Variants in SYNRG observed in about 807,000 individuals in gnomAD.
SYNRG encodes AP1 gamma subunit binding protein 1.
Under a neutral mutation model 130.9 loss-of-function variants are expected in SYNRG, and 37 were observed. The ratio of observed to expected loss-of-function variants is 0.28; its 90% CI spans 0.22 to 0.37. SYNRG has a LOEUF of 0.37. Ranked by LOEUF, SYNRG falls within the 10% of genes least tolerant of loss-of-function variation. The probability of loss-of-function intolerance (pLI) is 1.00; values close to 1 mark genes in which losing one functional copy is unlikely to be tolerated. For missense variants in SYNRG, 1,338 were observed against 1,588.9 expected (o/e 0.84, Z 2.68); for synonymous variants, 539 against 568.1 (o/e 0.95, Z 0.73).
Position 37,514,872 on chromosome 17 carries a change from A to G in SYNRG, c.*4068T>C, listed in dbSNP as rs975918888. On this transcript the variant is annotated 3_prime_UTR_variant, in exon 22 of 22. Transcript: ENST00000612223. ...GGGTGATTTCAGAACAGACCCTGAA[A>G]ATATTTTAAAGGTAAAGCTTTATAA... 17 of 152,234 alleles carry G rather than the reference A, an allele frequency of 1.1e-4. No homozygotes were observed. Among genetic ancestry groups the G allele is most frequent in the Non-Finnish European group, 2.1e-4 (14 of 68,044 alleles). 9.4% of individuals were successfully genotyped at this position (152,234 alleles called of 1,614,324 possible). A position where few individuals can be genotyped will look rare whatever the true frequency, so the allele number is the denominator to read the frequency against.
intron 19 of SYNRG, among the ~76,000 whole-genome samples, chr17:37,521,870 CATA>C (rs2055114363): frequency 6.6e-6 from 1 of 152,014 alleles, no homozygotes; most frequent in Admixed American, 6.6e-5. Context: ...GAGGATTCAC[CATA>C]ATAAGACACG....
rs370288433 is a variant in SYNRG at position 37,538,397 on chromosome 17, G to A, written c.3444C>T (p.Thr1148=). Residue 1148 remains threonine, a synonymous_variant, in exon 18 of 22, where the codon ACC becomes ACT. Transcript: ENST00000612223. ...ALNVIKKAND[T]LNGISSSSVC... ...CAGAACTACTACTGATTCCATTTAA[G>A]GTATCATTTGCCTTCTTAATGACCT... 13 of 1,609,546 alleles carry A rather than the reference G, an allele frequency of 8.1e-6. No homozygotes were observed. The highest frequency in any genetic ancestry group is 1.7e-5 in the Admixed American group (1 of 59,006).
At chr17:37,552,967 T>C in intron 14 of SYNRG, 148 bp downstream of exon 14, 1 of 674,638 alleles carries the variant, frequency 1.5e-6, no homozygotes, top group South Asian at 2.2e-5. Flanking sequence ...AATTTAACAC[T>C]GCTTTAAGGA....
Position 37,542,524 on chromosome 17 carries a change from T to C in SYNRG, c.2650A>G (p.Ser884Gly), listed in dbSNP as rs1467164986. The C allele has an allele frequency of 6.2e-7, 1 of 1,612,706 alleles. No homozygotes were observed. The highest frequency in any genetic ancestry group is 8.5e-7 in the Non-Finnish European group (1 of 1,179,946). ...LKYAAFGSYS[S>G]NFAVSTLTSY... ...GTAAGTGTGCTCACTGCAAAATTGCTACTGTAGCTTCCAAAAGCAGCATAT... is the reference window on the plus strand; with the variant it reads ...GTAAGTGTGCTCACTGCAAAATTGCCACTGTAGCTTCCAAAAGCAGCATAT... The change falls in exon 15 of 22, where the codon AGC becomes GGC. Residue 884 changes from serine to glycine, a missense_variant. By Grantham distance (56) the Ser-to-Gly change is moderately conservative (BLOSUM62 0). Coordinates refer to ENST00000612223, the MANE Select transcript of SYNRG (RefSeq NM_007247.6).
chr17:37,577,089 A>G (rs57682281), intron 7 of SYNRG, among the ~76,000 whole-genome samples: 10,061 of 152,116 alleles, frequency 0.066, 1,087 homozygotes, highest in African/African-American at 0.22. Flanking sequence ...TAAGGGGGGA[A>G]AAAAGAGAGT....
At chr17:37,525,705 C>T (rs1306969892) in intron 19 of SYNRG, among the ~76,000 whole-genome samples, 1 of 152,188 alleles carries the variant, frequency 6.6e-6, no homozygotes. Context: ...CGGTGGCTCA[C>T]ACCTGTAATC....
chr17:37,564,421 T>C (rs1184333853), intron 11 of SYNRG, among the ~76,000 whole-genome samples: 1 of 152,224 alleles, frequency 6.6e-6, no homozygotes, highest in African/African-American at 2.4e-5. Flanking sequence ...CACAGCAAGA[T>C]TACCATGGCA....
intron 11 of SYNRG, among the ~76,000 whole-genome samples, chr17:37,565,967 G>T (rs1200421949): frequency 3.3e-5 from 5 of 149,476 alleles, no homozygotes; most frequent in Admixed American, 3.3e-4. Flanking sequence ...GAGGTGGGGG[G>T]GTCAGCCCCC....
intron 3 of SYNRG, among the ~76,000 whole-genome samples, chr17:37,595,136 A>G (rs1450853353): frequency 6.6e-6 from 1 of 152,196 alleles, no homozygotes; most frequent in African/African-American, 2.4e-5. Flanking sequence ...CACAATTTCA[A>G]TGTATTCCCT....
chr17:37,608,649 A>G (rs2064035424), intron 1 of SYNRG, among the ~76,000 whole-genome samples: 1 of 152,182 alleles, frequency 6.6e-6, no homozygotes, highest in South Asian at 2.1e-4. Flanking sequence ...TTGTTTTTAA[A>G]TGCCTTTTTA....
In SYNRG at chr17:37,586,470, G is replaced by T; in HGVS notation, c.320C>A (p.Pro107Gln). The T allele has an allele frequency of 6.2e-7, 1 of 1,614,158 alleles. No homozygotes were observed. Among genetic ancestry groups the T allele is most frequent in the Non-Finnish European group, 8.5e-7 (1 of 1,180,030 alleles). ...GQAPFLGMRP[P>Q]GPQYTPDMQK... ...CATGTCTGGAGTGTACTGTGGGCCT[G>T]GAGGACGCATGCCCAGGAAGGGTGC... The change falls in exon 4 of 22, where the codon CCA becomes CAA. Residue 107 changes from proline (P) to glutamine (Q), a missense_variant. Physicochemically the swap from Pro to Gln is moderately conservative, Grantham distance 76. Transcript: ENST00000612223.
chr17:37,606,149 A>C, intron 1 of SYNRG: 8 of 330,430 alleles, frequency 2.4e-5, no homozygotes, highest in Non-Finnish European at 3.5e-5. Context: ...GTTTTATCTC[A>C]CAAAACTCTT....
chr17:37,518,746 C>A lies in SYNRG; in HGVS notation c.*194G>T. ...GTGAGCAAGCTTCTGGTGCCACGTG[C>A]AGTTTGGGTGGGACAATTTTACCTG... On this transcript the variant is annotated 3_prime_UTR_variant, in exon 22 of 22. Transcript: ENST00000612223. 1.7e-6 allele frequency: 1 copy of A among 579,060 alleles called. No individual in the cohort carries two copies. The highest frequency in any genetic ancestry group is 2.9e-6 in the Non-Finnish European group (1 of 347,212). 35.9% of individuals were successfully genotyped at this position (579,060 alleles called of 1,614,324 possible).
chr17:37,575,907 C>T (rs1429471658), intron 8 of SYNRG, among the ~76,000 whole-genome samples: 2 of 149,380 alleles, frequency 1.3e-5, no homozygotes, highest in African/African-American at 4.9e-5. Context: ...AAAAAGATCC[C>T]ACATGGTCTT....
In SYNRG at chr17:37,568,912, C is replaced by T. The variant is rs748144982; in HGVS notation, c.1360G>A (p.Glu454Lys). The change falls in exon 11 of 22, where the codon GAA becomes AAA. Residue 454 changes from glutamate to lysine, a missense_variant. Coordinates refer to ENST00000612223, the MANE Select transcript of SYNRG (RefSeq NM_007247.6). ...TGAAAATCCTGGAAGTCATCTTCTT[C>T]TGGCTTTACTACCTAGGTTTATAAA... is the stretch of plus-strand genomic sequence containing the variant. The part of the protein sequence containing the change: ...TYPANQVVKP[E>K]EDDFQDFQDA... The T allele has an allele frequency of 1.2e-6, 2 of 1,613,736 alleles. No individual in the cohort carries two copies. The highest frequency in any genetic ancestry group is 4.5e-5 in the East Asian group (2 of 44,864).
intron 19 of SYNRG, among the ~76,000 whole-genome samples, chr17:37,525,120 G>A (rs1441426686): frequency 1.3e-5 from 2 of 152,154 alleles, no homozygotes; most frequent in Non-Finnish European, 2.9e-5. Flanking sequence ...TAAACAGGGT[G>A]TTTATTGTAG....
chr17:37,520,752 T>A (rs2054914186), intron 19 of SYNRG, 104 bp from the exon 20 acceptor site: 2 of 833,988 alleles, frequency 2.4e-6, no homozygotes, highest in Admixed American at 4.1e-5. Flanking sequence ...GCAAGTACAG[T>A]ACTCTAACAC....
chr17:37,600,386 G>A lies in SYNRG; in HGVS notation c.95C>T (p.Ala32Val). Residue 32 changes from alanine to valine, a missense_variant, in exon 2 of 22, where the codon GCA becomes GTA. Physicochemically the swap from Ala to Val is moderately conservative, Grantham distance 64 (BLOSUM62 0). This residue lies in a region of SYNRG where 184 missense variants were observed against 217.2 expected (regional missense o/e 0.85). Coordinates refer to ENST00000612223, the MANE Select transcript of SYNRG (RefSeq NM_007247.6). ...AGGGGFMFPV[A>V]GGIRPPQAGL... ...ACCTTGAGGGGGTCTTATCCCACCT[G>A]CAACAGGAAACATGAAGCTGAAAAC... 6.2e-7 allele frequency: 1 copy of A among 1,613,220 alleles called. No homozygotes were observed. Among genetic ancestry groups the A allele is most frequent in the Non-Finnish European group, 8.5e-7 (1 of 1,179,794 alleles).
At chr17:37,538,618 C>T (rs1479312157) in intron 17 of SYNRG, among the ~76,000 whole-genome samples, 198 bp from the exon 18 acceptor site, 1 of 152,220 alleles carries the variant, frequency 6.6e-6, no homozygotes, top group Non-Finnish European at 1.5e-5. Flanking sequence ...TGTTTTGAGA[C>T]GGAGTCTCGC....
Sources: allele counts gnomAD v4.1 joint callset (sites outside exome capture counted in the v4.1 genomes callset), GRCh38; gene constraint gnomAD v4.1.1; regional missense constraint gnomAD v4.1.1; transcripts MANE v1.5; gene names NCBI Gene and HGNC (gene_info 2026-07-23, HGNC 2026-07-21).